Variants in VWF observed in about 807,000 individuals in gnomAD.
VWF encodes the protein Factor VIII related antigen.
Under a neutral mutation model 308.6 loss-of-function variants are expected in VWF, and 176 were observed. The ratio of observed to expected loss-of-function variants is 0.57; its 90% CI spans 0.50 to 0.65. The LOEUF (loss-of-function observed/expected upper bound fraction) is 0.65, where lower values mean the gene tolerates loss of function less well. VWF is among the 30% of genes least tolerant of loss of function. The probability of loss-of-function intolerance (pLI) is 0.00; values close to 1 mark genes in which losing one functional copy is unlikely to be tolerated. For synonymous variants in VWF, 1,385 were observed against 1,443.4 expected, an observed-to-expected ratio of 0.96 and a Z score of 0.92; for missense variants, 3,146 against 3,648.2, an observed-to-expected ratio of 0.86 and a Z score of 3.55.
intron 10 of VWF, among the ~76,000 whole-genome samples, chr12:6,068,842 G>A (rs1195954563): frequency 2.1e-4 from 28 of 133,812 alleles, no homozygotes; most frequent in Non-Finnish European, 2.7e-4. Context: ...TTGCGTGTGT[G>A]TGTGTGTGTG....
chr12:6,061,320 G>T (rs12319392), intron 13 of VWF, among the ~76,000 whole-genome samples: 23,518 of 151,996 alleles, frequency 0.15, 2,718 homozygotes, highest in African/African-American at 0.33. Flanking sequence ...GTCCTTGCCC[G>T]GTAACTAAAC....
intron 37 of VWF, among the ~76,000 whole-genome samples, 180 bp downstream of exon 37, chr12:5,993,658 TATATATACACACACACACATATAC>T (rs1665417515): frequency 6.8e-6 from 1 of 146,794 alleles, no homozygotes; most frequent in African/African-American, 2.5e-5. Flanking sequence ...TGTATATATA[TATATATACACACACACACATATAC>T]ATATATGTAT....
chr12:5,953,589 G>T lies in VWF; in HGVS notation c.7893C>A (p.Tyr2631Ter). 1 of 1,613,936 alleles carries T rather than the reference G, an allele frequency of 6.2e-7. No homozygotes were observed. The highest frequency in any genetic ancestry group is 1.1e-5 in the South Asian group (1 of 91,072). ...KTTCNPCPLGYKEENNTGECC... is the reference protein window; with the variant it reads ...KTTCNPCPLG ...ATTCACCTGTGTTATTTTCTTCCTTGTAACCCTGCATCCAGAGGGGGAAAA... is the reference window on the plus strand; with the variant it reads ...ATTCACCTGTGTTATTTTCTTCCTTTTAACCCTGCATCCAGAGGGGGAAAA... The change falls in exon 48 of 52, where the codon TAC becomes TAA. Residue 2631 changes from tyrosine (Y) to a stop codon, truncating the protein, a stop_gained. Coordinates refer to ENST00000261405, the MANE Select transcript of VWF (RefSeq NM_000552.5). LOFTEE classifies it high-confidence loss of function.
chr12:6,016,984 C>T (rs1944069756), intron 28 of VWF, 114 bp from the exon 29 acceptor site: 1 of 1,161,612 alleles, frequency 8.6e-7, no homozygotes, highest in East Asian at 2.3e-5. Context: ...CGTGGCACCA[C>T]CAAGGGGGGC....
chr12:6,007,853 G>A (rs888027969), intron 34 of VWF, among the ~76,000 whole-genome samples: 7 of 152,052 alleles, frequency 4.6e-5, no homozygotes, highest in African/African-American at 1.4e-4. Context: ...ATCAGAAATA[G>A]AAGAGCTTAC....
rs766324620 is a variant in VWF at position 6,018,818 on chromosome 12, T to C, written c.4600A>G (p.Ser1534Gly). 17 of 1,613,932 alleles carry C rather than the reference T, an allele frequency of 1.1e-5. No homozygotes were observed. The highest frequency in any genetic ancestry group is 1.0e-5 in the Non-Finnish European group (12 of 1,179,846). The change falls in exon 28 of 52, where the codon AGC (serine) becomes GGC (glycine). Residue 1534 changes from serine to glycine, a missense_variant. Transcript: ENST00000261405. ...TACTGCAGCACCGTGACGTGGATGC[T>C]GTCCTGGCCCACATCCATCCGCTGA... ...VIQRMDVGQD[S>G]IHVTVLQYSY...
chr12:6,037,809 T>C (rs745815499), intron 18 of VWF, among the ~76,000 whole-genome samples: 8 of 152,120 alleles, frequency 5.3e-5, no homozygotes, highest in Non-Finnish European at 1.2e-4. Flanking sequence ...CTCCCAGGCC[T>C]GGAGCTGGAC....
intron 34 of VWF, among the ~76,000 whole-genome samples, chr12:5,997,079 TC>T (rs1326941188): frequency 1.3e-5 from 2 of 152,132 alleles, no homozygotes; most frequent in Non-Finnish European, 2.9e-5. Context: ...CTAACATCCC[TC>T]ACTCATAGCC....
At position 6,110,932 on chromosome 12, in the gene VWF, A is replaced by T; in HGVS notation, c.257T>A (p.Val86Glu). Residue 86 changes from valine (V) to glutamate (E), a missense_variant, in exon 4 of 52, where the codon GTG (valine) becomes GAG (glutamate). By Grantham distance (121) the Val-to-Glu change is moderately radical. Coordinates refer to ENST00000261405, the MANE Select transcript of VWF (RefSeq NM_000552.5). ...FQNGKRVSLS[V>E]YLGEFFDIHL... ...GATGTCAAAAAATTCCCCAAGATAC[A>T]CGGAGAGGCTCACTCTCTTGCCATT... The T allele has an allele frequency of 1.2e-6, 2 of 1,614,162 alleles. No individual in the cohort carries two copies. The highest frequency in any genetic ancestry group is 2.2e-5 in the South Asian group (2 of 91,078).
At chr12:6,111,777 C>G (rs181960217) in intron 3 of VWF, among the ~76,000 whole-genome samples, 11 of 149,886 alleles carry the variant, frequency 7.3e-5, no homozygotes, top group Non-Finnish European at 1.6e-4. Flanking sequence ...GGTGAAACCC[C>G]GTCTCTACTA....
chr12:5,951,782 C>A (rs947343611), intron 50 of VWF, 62 bp downstream of exon 50: 5 of 1,583,098 alleles, frequency 3.2e-6, no homozygotes, highest in Non-Finnish European at 4.3e-6. Flanking sequence ...GAGCAAGCTG[C>A]AAAGAGCCCC....
rs112634786 is a variant in VWF at position 6,023,752 on chromosome 12, G to A, written c.3258C>T (p.Tyr1086=). 10,685 of 1,608,552 alleles carry A rather than the reference G, an allele frequency of 6.6e-3. 834 individuals are homozygous for A. The African/African-American group carries it at 0.13, about 19-fold the overall frequency. ...CAATGGACTCACAGGAGCAGGTGTC[G>A]TAAATGCAGACATCCAGATATGGCT... ...DPEPYLDVCI[Y]DTCSCESIGD... is the part of the protein sequence containing the mutation. The change falls in exon 25 of 52, where the codon TAC becomes TAT. Residue 1086 remains tyrosine, a synonymous_variant. Transcript: ENST00000261405.
At chr12:6,110,609 GT>G (rs1945298074) in intron 4 of VWF, 27 bp from the exon 5 acceptor site, 16 of 1,610,484 alleles carry the variant, frequency 9.9e-6, no homozygotes, top group Non-Finnish European at 1.4e-5. Context: ...AAGTTCAGAA[GT>G]GGGCTTCTTG....
intron 6 of VWF, among the ~76,000 whole-genome samples, chr12:6,078,208 C>T (rs1329943466): frequency 1.3e-5 from 2 of 152,140 alleles, no homozygotes; most frequent in African/African-American, 2.4e-5. Context: ...GAATGGTTGC[C>T]GAGCATTATC....
intron 6 of VWF, among the ~76,000 whole-genome samples, chr12:6,092,663 G>C (rs1344372382): frequency 1.4e-5 from 2 of 144,322 alleles, no homozygotes. Context: ...GTGTGTGTGT[G>C]TGTGTGTGTG....
chr12:6,121,345 G>A lies in VWF; in HGVS notation c.56-7C>T, dbSNP rs374802332. On this transcript the variant is annotated splice_polypyrimidine_tract_variant and splice_region_variant and intron_variant, in intron 2 of 51. Transcript: ENST00000261405. ...CCTTCTGCACAAAGGGTCCCTGGAGGGAGAGGCCACAGGTTGGGCTGGTGA... is the reference window on the plus strand; with the variant it reads ...CCTTCTGCACAAAGGGTCCCTGGAGAGAGAGGCCACAGGTTGGGCTGGTGA... The A allele has an allele frequency of 3.7e-5, 59 of 1,613,694 alleles. No homozygotes were observed. The African/African-American group carries it at 6.8e-4, about 19-fold the overall frequency.
chr12:5,964,413 C>A (rs1943374300), intron 47 of VWF, among the ~76,000 whole-genome samples: 1 of 152,078 alleles, frequency 6.6e-6, no homozygotes, highest in African/African-American at 2.4e-5. Context: ...TTCGTACCCC[C>A]AAAAAACAGA....
intron 22 of VWF, 124 bp from the exon 23 acceptor site, chr12:6,026,170 C>G: frequency 7.0e-7 from 1 of 1,426,584 alleles, no homozygotes; most frequent in Non-Finnish European, 9.8e-7. Flanking sequence ...GGAGGAGGAG[C>G]GGGACAGAGA....
At chr12:6,074,010 A>G (rs896053128) in intron 7 of VWF, among the ~76,000 whole-genome samples, 1 of 151,932 alleles carries the variant, frequency 6.6e-6, no homozygotes, top group Non-Finnish European at 1.5e-5. Context: ...CCTGCTCTCC[A>G]TGTATAACTT....
Sources: allele counts gnomAD v4.1 joint callset (sites outside exome capture counted in the v4.1 genomes callset), GRCh38; gene constraint gnomAD v4.1.1; transcripts MANE v1.5; gene names NCBI Gene and HGNC (gene_info 2026-07-23, HGNC 2026-07-21).